The following CPA4 variants were observed in gnomAD, a reference collection of about 807,000 sequenced individuals.
CPA4 encodes carboxypeptidase A4, also known as carboxypeptidase A3.
In CPA4, 49 loss-of-function variants were observed where a neutral mutation model predicts 54.7. That is an observed-to-expected ratio of 0.90 (90% CI 0.71 to 1.14). CPA4 has a LOEUF of 1.14. CPA4 is among the 50% of genes most tolerant of loss of function. The probability of loss-of-function intolerance (pLI) is 0.00; values close to 1 mark genes in which losing one functional copy is unlikely to be tolerated. For synonymous variants in CPA4, 215 were observed against 206.8 expected (o/e 1.04, Z -0.34); for missense variants, 487 against 525.1 (o/e 0.93, Z 0.71).
intron 1 of CPA4, 103 bp downstream of exon 1, chr7:130,293,351 C>T: frequency 1.2e-5 from 9 of 768,702 alleles, no homozygotes; most frequent in South Asian, 9.9e-5. Context: ...GGAAGAAGAC[C>T]TGGGCTCTTG....
chr7:130,308,340 C>T lies in CPA4; in HGVS notation c.736C>T (p.Pro246Ser). ...RLWRKTRSRNPGSSCIGADPN... is the reference protein window; with the variant it reads ...RLWRKTRSRNSGSSCIGADPN... ...ATGGAGGAAGACGCGGTCCCGAAAT[C>T]CTGGAAGCTCCTGCATTGGTGCTGA... The change falls in exon 8 of 11, where the codon CCT becomes TCT. Residue 246 changes from proline to serine, a missense_variant. Physicochemically the swap from Pro to Ser is moderately conservative, Grantham distance 74. Coordinates refer to ENST00000222482, the MANE Select transcript of CPA4 (RefSeq NM_016352.4). The T allele has an allele frequency of 6.2e-7, 1 of 1,614,196 alleles. No homozygotes were observed. The highest frequency in any genetic ancestry group is 8.5e-7 in the Non-Finnish European group (1 of 1,180,036).
At position 130,306,807 on chromosome 7, in the gene CPA4, G is replaced by A. The variant is rs1203456900; in HGVS notation, c.612G>A (p.Arg204=). ...TARKIVSDYQ[R]DPAITSILEK... ...CTTAGATTGTATCTGATTACCAGAG[G>A]GATCCAGCTATCACCTCCATCTTGG... Residue 204 remains arginine (R), a synonymous_variant, in exon 7 of 11, where the codon AGG becomes AGA. Transcript: ENST00000222482. 1.2e-6 allele frequency: 2 copies of A among 1,606,974 alleles called. No homozygotes were observed. The highest frequency in any genetic ancestry group is 1.1e-5 in the South Asian group (1 of 90,926).
chr7:130,305,823 CT>C lies in CPA4; in HGVS notation c.495del (p.Gly168AlafsTer2). 6.2e-7 allele frequency: 1 copy of C among 1,614,044 alleles called. No individual in the cohort carries two copies. The highest frequency in any genetic ancestry group is 8.5e-7 in the Non-Finnish European group (1 of 1,179,908). ...NRPMYVLKFS[T>X]GKGVRRPAVW... ...CTTTTCTCCCTTCTGCAGTTCAGCA[CT>C]GGGAAAGGCGTGAGGCGGCCGGCCG... On this transcript the variant is annotated frameshift_variant, in exon 6 of 11. Transcript: ENST00000222482. LOFTEE classifies it high-confidence loss of function.
intron 10 of CPA4, among the ~76,000 whole-genome samples, chr7:130,320,878 T>C (rs1222861770): frequency 6.6e-6 from 1 of 152,228 alleles, no homozygotes; most frequent in East Asian, 1.9e-4. Flanking sequence ...CAACAGATGG[T>C]AGCTGCTACT....
At chr7:130,311,045 A>G in intron 9 of CPA4, 59 bp downstream of exon 9, 4 of 1,364,010 alleles carry the variant, frequency 2.9e-6, no homozygotes, top group South Asian at 2.3e-5. Flanking sequence ...TGGCGCTGCT[A>G]AGGTGGTAGC....
chr7:130,303,075 C>T (rs531762119), intron 4 of CPA4, among the ~76,000 whole-genome samples: 17 of 152,336 alleles, frequency 1.1e-4, no homozygotes, highest in South Asian at 4.1e-4. Context: ...GTTCGGTCTA[C>T]CGTATTGACG....
intron 8 of CPA4, among the ~76,000 whole-genome samples, chr7:130,308,850 C>CTTTTTTTTTTTTTTTTTTTTTTTTTT (rs1249548992): frequency 2.5e-5 from 3 of 120,284 alleles, no homozygotes; most frequent in Admixed American, 8.4e-5. Flanking sequence ...CTAGCCCAGC[C>CTTTTTTTTTTTTTTTTTTTTTTTTTT]TTTTTTTTTT....
chr7:130,304,857 C>G (rs1346413803), intron 5 of CPA4, among the ~76,000 whole-genome samples: 4 of 152,262 alleles, frequency 2.6e-5, no homozygotes, highest in Admixed American at 2.0e-4. Flanking sequence ...ATGGGACAGT[C>G]TTTTACTTTC....
chr7:130,305,487 C>T (rs1793805125), intron 5 of CPA4, among the ~76,000 whole-genome samples: 1 of 152,140 alleles, frequency 6.6e-6, no homozygotes, highest in African/African-American at 2.4e-5. Context: ...ATGTCTCTCG[C>T]TGTTGGGATA....
chr7:130,309,841 C>T (rs940679296), intron 8 of CPA4, among the ~76,000 whole-genome samples: 4 of 152,170 alleles, frequency 2.6e-5, no homozygotes, highest in Non-Finnish European at 2.9e-5. Flanking sequence ...TCATGGCTCA[C>T]TGCAGCCTCG....
At chr7:130,298,873 G>T (rs1388806970) in intron 2 of CPA4, 46 bp downstream of exon 2, 2 of 1,096,154 alleles carry the variant, frequency 1.8e-6, no homozygotes, top group East Asian at 4.7e-5. Context: ...TAACTTTGCT[G>T]GGAGAAGACT....
intron 4 of CPA4, among the ~76,000 whole-genome samples, chr7:130,303,298 A>T (rs1288798826): frequency 6.6e-6 from 1 of 152,162 alleles, no homozygotes; most frequent in Non-Finnish European, 1.5e-5. Flanking sequence ...TTAGCCGTTT[A>T]TTTACCTTTC....
chr7:130,303,371 G>A (rs1584747430), intron 4 of CPA4, among the ~76,000 whole-genome samples: 1 of 152,296 alleles, frequency 6.6e-6, no homozygotes, highest in East Asian at 1.9e-4. Context: ...TGTATCCACA[G>A]GATGTAAGCA....
intron 10 of CPA4, among the ~76,000 whole-genome samples, chr7:130,313,913 G>A (rs1261724204): frequency 6.6e-6 from 1 of 152,210 alleles, no homozygotes; most frequent in African/African-American, 2.4e-5. Flanking sequence ...CTTTCTTGTG[G>A]TTCATTACTC....
intron 10 of CPA4, among the ~76,000 whole-genome samples, chr7:130,318,510 C>T (rs1794026075): frequency 6.6e-6 from 1 of 152,168 alleles, no homozygotes; most frequent in Non-Finnish European, 1.5e-5. Context: ...CTCCCAGGTT[C>T]AAGCGATTCC....
At chr7:130,321,803 A>C (rs1382664926) in intron 10 of CPA4, among the ~76,000 whole-genome samples, 3 of 152,196 alleles carry the variant, frequency 2.0e-5, no homozygotes, top group Non-Finnish European at 4.4e-5. Context: ...CCCATGATTC[A>C]ATTATCTCCC....
rs759407578 is a variant in CPA4 at position 130,322,649 on chromosome 7, G to C, written c.1239G>C (p.Met413Ile). The change falls in exon 11 of 11, where the codon ATG becomes ATC. Residue 413 changes from methionine to isoleucine, a missense_variant. Met to Ile is a conservative substitution (Grantham distance 10). Transcript: ENST00000222482. ...CGTGGCTGGGGCTGAAGACCATCAT[G>C]GAGCATGTGCGGGACAACCTCTACT... ...EETWLGLKTI[M>I]EHVRDNLY 1.2e-6 allele frequency: 2 copies of C among 1,614,102 alleles called. No individual in the cohort carries two copies. Among genetic ancestry groups the C allele is most frequent in the Non-Finnish European group, 1.7e-6 (2 of 1,179,990 alleles).
chr7:130,310,861 T>C lies in CPA4; in HGVS notation c.868T>C (p.Ser290Pro). The C allele has an allele frequency of 6.2e-7, 1 of 1,614,124 alleles. No homozygotes were observed. Among genetic ancestry groups the C allele is most frequent in the Non-Finnish European group, 8.5e-7 (1 of 1,180,006 alleles). ...CGCCAATTCGGAAGTGGAGGTGAAA[T>C]CAGTGGTAGATTTCATCCAAAAACA... ...PHANSEVEVK[S>P]VVDFIQKHGN... The change falls in exon 9 of 11, where the codon TCA (serine) becomes CCA (proline). Residue 290 changes from serine to proline, a missense_variant. Transcript: ENST00000222482. The surrounding 1 kb of genome is among the most constrained non-coding windows in gnomAD (Gnocchi z 4.3).
intron 10 of CPA4, among the ~76,000 whole-genome samples, chr7:130,317,950 G>A (rs1472514893): frequency 2.6e-5 from 4 of 151,938 alleles, no homozygotes; most frequent in South Asian, 2.1e-4. Flanking sequence ...TCCACCCCCC[G>A]GGCCCTCCTC....
Sources: allele counts gnomAD v4.1 joint callset (sites outside exome capture counted in the v4.1 genomes callset), GRCh38; gene constraint gnomAD v4.1.1; non-coding constraint Gnocchi (gnomAD v3.1); transcripts MANE v1.5; gene names NCBI Gene and HGNC (gene_info 2026-07-23, HGNC 2026-07-21).